The following WDR19 variants were observed in gnomAD, a reference collection of about 807,000 sequenced individuals.
WDR19 encodes WD repeat domain 19.
Under a neutral mutation model 180.0 loss-of-function variants are expected in WDR19, and 121 were observed. That is an observed-to-expected ratio of 0.67 (90% confidence interval 0.58 to 0.78). The LOEUF (loss-of-function observed/expected upper bound fraction) is 0.78. WDR19 is among the 30% of genes least tolerant of loss of function. The pLI, the probability that WDR19 is intolerant of heterozygous loss-of-function variation, is 0.00. For missense variants in WDR19, 1,450 were observed against 1,640.7 expected (o/e 0.88, Z 2.01); for synonymous variants, 497 against 540.7 (o/e 0.92, Z 1.12).
chr4:39,284,068 C>CTTGG (rs1344015789), intron 36 of WDR19, among the ~76,000 whole-genome samples: 2 of 152,022 alleles, frequency 1.3e-5, no homozygotes, highest in Non-Finnish European at 1.5e-5. Context: ...ATTTTTTTAA[C>CTTGG]TTGGGATTTT....
chr4:39,240,293 G>A lies in WDR19; in HGVS notation c.2380G>A (p.Ala794Thr). 7.1e-7 allele frequency: 1 copy of A among 1,417,422 alleles called. No individual in the cohort carries two copies. Among genetic ancestry groups the A allele is most frequent in the Non-Finnish European group, 9.2e-7 (1 of 1,081,092 alleles). The allele number at this position is 1,417,422 out of a possible 1,614,324, so 87.8% of individuals were successfully genotyped here. ...QLEFAGDYVN[A>T]LAHYEKGITG... The stretch of plus-strand genomic sequence containing the variant: ...TTTTTTCAGGGGTGATTATGTAAAT[G>A]CTTTGGCTCATTATGAGAAAGGAAT... Residue 794 changes from alanine to threonine, a missense_variant, in exon 21 of 37, where the codon GCT (alanine) becomes ACT (threonine). By Grantham distance (58) the Ala-to-Thr change is moderately conservative (BLOSUM62 0). Transcript: ENST00000399820.
intron 29 of WDR19, 69 bp downstream of exon 29, chr4:39,266,209 C>G: frequency 7.3e-7 from 1 of 1,374,828 alleles, no homozygotes; most frequent in Non-Finnish European, 9.8e-7. Flanking sequence ...CTGTTTTTAC[C>G]CATCATGCTT....
At chr4:39,278,796 A>C in intron 36 of WDR19, 133 bp downstream of exon 36, 2 of 441,754 alleles carry the variant, frequency 4.5e-6, no homozygotes, top group Non-Finnish European at 7.9e-6. Flanking sequence ...TCTGACAACC[A>C]CCTTTTGATG....
intron 9 of WDR19, among the ~76,000 whole-genome samples, chr4:39,212,136 A>T (rs1298242396): frequency 6.6e-6 from 1 of 152,250 alleles, no homozygotes; most frequent in Admixed American, 6.5e-5. Context: ...GAAAAGACAT[A>T]TCAATCAATG....
chr4:39,217,732 A>G (rs1577905126), intron 13 of WDR19, among the ~76,000 whole-genome samples: 1 of 152,156 alleles, frequency 6.6e-6, no homozygotes, highest in Non-Finnish European at 1.5e-5. Context: ...CTTTACATCT[A>G]GGAAGACAAA....
Position 39,185,726 on chromosome 4 carries a change from C to G in WDR19, c.7C>G (p.Arg3Gly). 6.4e-7 allele frequency: 1 copy of G among 1,552,930 alleles called. No homozygotes were observed. Among genetic ancestry groups the G allele is most frequent in the Non-Finnish European group, 8.7e-7 (1 of 1,147,484 alleles). Residue 3 changes from arginine (R) to glycine (G), a missense_variant and splice_region_variant, in exon 2 of 37, where the codon CGT becomes GGT. Arg to Gly is a moderately radical substitution (Grantham distance 125). Transcript: ENST00000399820. ...ATTAAAAATTGTGTTTATTTTTTAGCGTATTTTCTCACTGCTAGAAAAGAC... is the reference window on the plus strand; with the variant it reads ...ATTAAAAATTGTGTTTATTTTTTAGGGTATTTTCTCACTGCTAGAAAAGAC... Reference protein sequence around the residue: MKRIFSLLEKTWL... With the variant: MKGIFSLLEKTWL...
chr4:39,203,546 TAGTC>T, intron 6 of WDR19, 92 bp from the exon 7 acceptor site: 2 of 1,010,394 alleles, frequency 2.0e-6, no homozygotes, highest in South Asian at 1.5e-5. Flanking sequence ...AGTCCAACAT[TAGTC>T]AGGAATGAAA....
intron 20 of WDR19, chr4:39,237,667 A>G (rs1044357428): frequency 6.6e-6 from 1 of 152,172 alleles, no homozygotes; most frequent in African/African-American, 2.4e-5. Context: ...TTCTTAACCA[A>G]TCTTGATTTC....
intron 24 of WDR19, among the ~76,000 whole-genome samples, chr4:39,246,898 G>A (rs1560534561): frequency 1.3e-5 from 2 of 152,260 alleles, no homozygotes; most frequent in South Asian, 4.1e-4. Context: ...AAGGAGGCCT[G>A]CCTGCCTCTG....
At chr4:39,253,872 TAA>T (rs779095910) in intron 25 of WDR19, 32 bp from the exon 26 acceptor site, 2 of 1,528,326 alleles carry the variant, frequency 1.3e-6, no homozygotes, top group African/African-American at 2.8e-5. Context: ...AAATTTATAT[TAA>T]GAGTCTAGCT....
At chr4:39,244,655 G>A in intron 23 of WDR19, 103 bp downstream of exon 23, 2 of 1,246,074 alleles carry the variant, frequency 1.6e-6, no homozygotes, top group Admixed American at 3.9e-5. Flanking sequence ...TGTCCATTCT[G>A]TTCCCCTATC....
intron 28 of WDR19, among the ~76,000 whole-genome samples, chr4:39,258,693 G>A (rs1233064839): frequency 6.6e-6 from 1 of 152,112 alleles, no homozygotes; most frequent in African/African-American, 2.4e-5. Context: ...CTTTTTGTCA[G>A]ATATATGTTG....
At chr4:39,266,024 G>A in intron 28 of WDR19, 39 bp from the exon 29 acceptor site, 1 of 1,526,524 alleles carries the variant, frequency 6.6e-7, no homozygotes, top group East Asian at 2.5e-5. Flanking sequence ...CTCGGTTTAA[G>A]ATGCTGAATT....
intron 14 of WDR19, 23 bp from the exon 15 acceptor site, chr4:39,224,861 G>T: frequency 4.6e-5 from 66 of 1,449,272 alleles, no homozygotes; most frequent in South Asian, 1.4e-4. Context: ...TATTTTCATG[G>T]CTGGATTTTT....
At position 39,186,601 on chromosome 4, in the gene WDR19, C is replaced by G; in HGVS notation, c.161C>G (p.Pro54Arg). The change falls in exon 3 of 37, where the codon CCT becomes CGT. Residue 54 changes from proline to arginine, a missense_variant. Pro to Arg is a moderately radical substitution (Grantham distance 103, BLOSUM62 -2). Transcript: ENST00000399820. ...HGQKRSEINL[P>R]GNCVAMDWDK... ...CAAAAAAGAAGTGAAATTAACTTACCTGGGTAAGTACAGAAGTAGATTTAA... is the reference window on the plus strand; with the variant it reads ...CAAAAAAGAAGTGAAATTAACTTACGTGGGTAAGTACAGAAGTAGATTTAA... The G allele has an allele frequency of 6.4e-7, 1 of 1,572,358 alleles. No homozygotes were observed. The highest frequency in any genetic ancestry group is 2.3e-5 in the East Asian group (1 of 43,252).
At chr4:39,255,706 G>A in intron 26 of WDR19, 142 bp from the exon 27 acceptor site, 2 of 468,558 alleles carry the variant, frequency 4.3e-6, no homozygotes, top group Non-Finnish European at 3.8e-6. Context: ...TATGTTTTGT[G>A]ATGAAAACAG....
intron 4 of WDR19, 146 bp downstream of exon 4, chr4:39,189,927 C>T (rs1725978396): frequency 9.8e-7 from 1 of 1,023,396 alleles, no homozygotes; most frequent in Non-Finnish European, 1.3e-6. Flanking sequence ...TTATTGTTAC[C>T]CAATTAGAAT....
chr4:39,192,933 T>C (rs942486738), intron 4 of WDR19, among the ~76,000 whole-genome samples: 11 of 152,112 alleles, frequency 7.2e-5, no homozygotes, highest in African/African-American at 2.4e-4. Context: ...GCCCAGCTCA[T>C]TGAGGTGATG....
chr4:39,243,203 A>T (rs1468728766), intron 21 of WDR19, among the ~76,000 whole-genome samples: 1 of 152,192 alleles, frequency 6.6e-6, no homozygotes, highest in African/African-American at 2.4e-5. Context: ...ATATTTTCTT[A>T]TAAGTCACAA....
Sources: gnomAD v4.1 joint callset for allele counts (sites outside exome capture counted in the v4.1 genomes callset) on GRCh38, gnomAD v4.1.1 for gene constraint, MANE v1.5 for transcripts, NCBI Gene and HGNC (gene_info 2026-07-23, HGNC 2026-07-21) for gene names.